LRRC20: variants seen among roughly 807,000 people sequenced by gnomAD.
LRRC20 encodes leucine-rich repeat-containing protein 20.
Under a neutral mutation model 14.4 loss-of-function variants are expected in LRRC20, and 11 were observed. The observed-to-expected ratio is 0.77, with a 90% CI of 0.48 to 1.27. The LOEUF (loss-of-function observed/expected upper bound fraction) is 1.27, where lower values mean the gene tolerates loss of function less well. Among genes scored for constraint, LRRC20 ranks in the 50% most tolerant of loss-of-function variants. The pLI is 0.00. For synonymous variants in LRRC20, 121 were observed against 107.3 expected (o/e 1.13, Z -0.79); for missense variants, 219 against 251.2 (o/e 0.87, Z 0.87).
chr10:70,305,636 TC>T (rs1314815386), intron 4 of LRRC20, among the ~76,000 whole-genome samples: 1 of 152,102 alleles, frequency 6.6e-6, no homozygotes, highest in Non-Finnish European at 1.5e-5. Flanking sequence ...TTAAGTCTCT[TC>T]CCCCCTCCTT....
At chr10:70,343,351 A>G (rs933592540) in intron 2 of LRRC20, among the ~76,000 whole-genome samples, 4 of 151,858 alleles carry the variant, frequency 2.6e-5, no homozygotes, top group Admixed American at 6.6e-5. Flanking sequence ...TTTGGGGGGG[A>G]AAAGGGACAG....
chr10:70,375,888 T>A (rs1844490726), intron 2 of LRRC20, among the ~76,000 whole-genome samples: 1 of 151,976 alleles, frequency 6.6e-6, no homozygotes, highest in Non-Finnish European at 1.5e-5. Flanking sequence ...TGCTTAGGAG[T>A]CTTGGGGTAA....
intron 4 of LRRC20, among the ~76,000 whole-genome samples, chr10:70,304,508 T>TATATATATA (rs1841344904): frequency 1.1e-5 from 1 of 93,218 alleles, no homozygotes; most frequent in African/African-American, 3.5e-5. Context: ...ATATATATAT[T>TATATATATA]TTACTAAGCA....
chr10:70,330,604 G>C (rs1842501583), intron 3 of LRRC20, among the ~76,000 whole-genome samples: 1 of 152,136 alleles, frequency 6.6e-6, no homozygotes, highest in Admixed American at 6.6e-5. Flanking sequence ...TAAATCTCCA[G>C]GTAGCCAAAT....
intron 2 of LRRC20, among the ~76,000 whole-genome samples, chr10:70,373,354 T>A (rs1258746861): frequency 6.6e-6 from 1 of 152,220 alleles, no homozygotes; most frequent in Non-Finnish European, 1.5e-5. Flanking sequence ...ATGGAGCCTG[T>A]GTGTCACTGT....
rs147904716 is a variant in LRRC20, at chr10:70,357,664, C to T, written c.83-16962G>A. On this transcript the variant is annotated intron_variant, in intron 2 of 4. Coordinates refer to ENST00000446961, the MANE Select transcript of LRRC20 (RefSeq NM_001278212.2). ...GGCTCTGGGACTTTCCAAAAAAAAC[C>T]CTCCTTCCTGGCAAGCCAGTAAGGA... Among the ~76,000 whole-genome samples the T allele has an allele frequency of 8.4e-3, 1,276 of 152,296 alleles. 14 individuals carry two copies. Among genetic ancestry groups the T allele is most frequent in the South Asian group, 0.056 (270 of 4,824 alleles).
At chr10:70,304,368 G>A (rs930119250) in intron 4 of LRRC20, among the ~76,000 whole-genome samples, 12 of 151,224 alleles carry the variant, frequency 7.9e-5, no homozygotes, top group African/African-American at 2.7e-4. Context: ...TTTTGTTTTT[G>A]TGGTTGTTTT....
intron 3 of LRRC20, among the ~76,000 whole-genome samples, chr10:70,340,069 C>T (rs1440473422): frequency 1.3e-5 from 2 of 149,876 alleles, no homozygotes; most frequent in Non-Finnish European, 1.5e-5. Context: ...TGCAGTGAGC[C>T]GAGATCACAC....
chr10:70,344,395 A>C (rs1843009096), intron 2 of LRRC20, among the ~76,000 whole-genome samples: 1 of 152,212 alleles, frequency 6.6e-6, no homozygotes, highest in South Asian at 2.1e-4. Context: ...CAAAGCGGCT[A>C]ATCAAATAAG....
rs752667481 is a variant in LRRC20 at position 70,340,577 on chromosome 10, T to G, written c.208A>C (p.Met70Leu). 1 of 1,614,184 alleles carries G rather than the reference T, an allele frequency of 6.2e-7. No individual in the cohort carries two copies. The highest frequency in any genetic ancestry group is 1.7e-5 in the Admixed American group (1 of 60,028). The change falls in exon 3 of 5, where the codon ATG becomes CTG. Residue 70 changes from methionine (M) to leucine (L), a missense_variant. Physicochemically the swap from Met to Leu is conservative, Grantham distance 15. Transcript: ENST00000446961. ...NELKSLTSKF[M>L]TTFSQLRELH... is the part of the protein sequence containing the mutation. ...CCTCGGAGCTGACTGAATGTGGTCA[T>G]GAACTTGCTGGTGAGGGACTTAAGC...
At chr10:70,355,575 A>G (rs1362777164) in intron 2 of LRRC20, among the ~76,000 whole-genome samples, 1 of 152,152 alleles carries the variant, frequency 6.6e-6, no homozygotes, top group Non-Finnish European at 1.5e-5. Flanking sequence ...TGGGGAAACC[A>G]CTCAACTTGA....
At chr10:70,328,067 T>C (rs1354270076) in intron 3 of LRRC20, among the ~76,000 whole-genome samples, 1 of 152,186 alleles carries the variant, frequency 6.6e-6, no homozygotes, top group Non-Finnish European at 1.5e-5. Flanking sequence ...TCATCAGGTG[T>C]CCTTGGGCCC....
intron 1 of LRRC20, among the ~76,000 whole-genome samples, chr10:70,381,149 A>T (rs1589137741): frequency 6.6e-6 from 1 of 152,348 alleles, no homozygotes; most frequent in East Asian, 1.9e-4. Flanking sequence ...TGCAAAGTTA[A>T]CAGTGTTGTG....
rs116808853 is a variant in LRRC20, at chr10:70,301,485, C to T, written c.424G>A (p.Ala142Thr). 1.4e-4 allele frequency: 232 copies of T among 1,613,968 alleles called. 1 individual carries two copies. The East Asian group carries it at 2.7e-3, about 18-fold the overall frequency. The change falls in exon 5 of 5, where the codon GCC becomes ACC. Residue 142 changes from alanine (A) to threonine (T), a missense_variant. Physicochemically the swap from Ala to Thr is moderately conservative, Grantham distance 58. Coordinates refer to ENST00000446961, the MANE Select transcript of LRRC20 (RefSeq NM_001278212.2). ...TTGATGCTGCGCAAGGCTGGCATGG[C>T]GGCCAGCTTCTCCACGGGCACATCT... ...IVDVPVEKLA[A>T]MPALRSINLR...
intron 3 of LRRC20, 22 bp downstream of exon 3, chr10:70,340,531 G>T: frequency 1.2e-6 from 2 of 1,613,712 alleles, no homozygotes; most frequent in Non-Finnish European, 1.7e-6. Flanking sequence ...TGCCCTCCTG[G>T]CTGGAGCTGA....
Position 70,300,437 on chromosome 10 carries a change from TC to T in LRRC20, c.*916del. 1 of 985,480 alleles carries T rather than the reference TC, an allele frequency of 1.0e-6. No individual in the cohort carries two copies. Among genetic ancestry groups the T allele is most frequent in the Non-Finnish European group, 1.2e-6 (1 of 830,008 alleles). 61.0% of individuals were successfully genotyped at this position (985,480 alleles called of 1,614,324 possible). On this transcript the variant is annotated 3_prime_UTR_variant, in exon 5 of 5. Coordinates refer to ENST00000446961, the MANE Select transcript of LRRC20 (RefSeq NM_001278212.2). ...GGCCTGGGAGCTGGCTGGCTACAAA[TC>T]CCGTGGTCCACATCGCCTTCTGCCC...
chr10:70,324,435 C>T (rs1842238789), intron 3 of LRRC20, among the ~76,000 whole-genome samples: 2 of 152,244 alleles, frequency 1.3e-5, no homozygotes, highest in Admixed American at 1.3e-4. Context: ...TTAGGGGACA[C>T]CACTCTCCAT....
intron 2 of LRRC20, among the ~76,000 whole-genome samples, chr10:70,368,117 G>A (rs909169035): frequency 6.7e-6 from 1 of 149,208 alleles, no homozygotes; most frequent in Non-Finnish European, 1.5e-5. Flanking sequence ...TCAAGTAGCT[G>A]AGACTACAGG....
chr10:70,354,360 C>T (rs528896336), intron 2 of LRRC20, among the ~76,000 whole-genome samples: 5 of 152,182 alleles, frequency 3.3e-5, no homozygotes, highest in East Asian at 3.9e-4. Flanking sequence ...CTAGGTGGGG[C>T]GTAAGAGTCT....
Sources: allele counts gnomAD v4.1 joint callset (sites outside exome capture counted in the v4.1 genomes callset), GRCh38; gene constraint gnomAD v4.1.1; transcripts MANE v1.5; gene names NCBI Gene and HGNC (gene_info 2026-07-23, HGNC 2026-07-21).